LARS2: variants seen among roughly 807,000 people sequenced by gnomAD.
LARS2 encodes leucyl-tRNA synthetase 2, mitochondrial, also known as leucine--tRNA ligase, mitochondrial.
In LARS2, 81 loss-of-function variants were observed where a neutral mutation model predicts 116.6. The observed-to-expected ratio is 0.69, with a 90% confidence interval of 0.58 to 0.84. LARS2 has a LOEUF of 0.84. Ranked by LOEUF, LARS2 falls within the 40% of genes least tolerant of loss-of-function variation. LARS2 has a pLI of 0.00. For missense variants in LARS2, 968 were observed against 1,114.5 expected, an observed-to-expected ratio of 0.87 and a Z score of 1.87; for synonymous variants, 396 against 407.2, an observed-to-expected ratio of 0.97 and a Z score of 0.33.
chr3:45,430,003 C>CTTCTT (rs1698666701), intron 6 of LARS2, among the ~76,000 whole-genome samples: 1 of 56,954 alleles, frequency 1.8e-5, no homozygotes, highest in African/African-American at 7.6e-5. Context: ...TGCCCAGCCT[C>CTTCTT]TTTTTTTTTT....
intron 6 of LARS2, among the ~76,000 whole-genome samples, chr3:45,439,657 C>G (rs370472955): frequency 6.8e-6 from 1 of 147,246 alleles, no homozygotes; most frequent in African/African-American, 2.5e-5. Flanking sequence ...TTTGTGAAAA[C>G]GGAGGATTGA....
At chr3:45,501,836 T>C (rs1700127831) in intron 15 of LARS2, among the ~76,000 whole-genome samples, 1 of 149,738 alleles carries the variant, frequency 6.7e-6, no homozygotes, top group Admixed American at 6.7e-5. Context: ...TCATCAACAT[T>C]TTGTACTATC....
Position 45,400,293 on chromosome 3 carries a change from G to T in LARS2, c.283G>T (p.Gly95Cys). ...GCTTTCCATGTTCCCTTATCCTTCT[G>T]GTAAGCTGCACATGGGCCATGTGCG... Reference protein sequence around the residue: ...YVLSMFPYPSGKLHMGHVRVY... With the variant: ...YVLSMFPYPSCKLHMGHVRVY... The change falls in exon 4 of 22, where the codon GGT (glycine) becomes TGT (cysteine). Residue 95 changes from glycine (G) to cysteine (C), a missense_variant. Physicochemically the swap from Gly to Cys is radical, Grantham distance 159. Coordinates refer to ENST00000645846, the MANE Select transcript of LARS2 (RefSeq NM_015340.4). 1 of 1,613,834 alleles carries T rather than the reference G, an allele frequency of 6.2e-7. No individual in the cohort carries two copies. The highest frequency in any genetic ancestry group is 8.5e-7 in the Non-Finnish European group (1 of 1,179,864).
At chr3:45,413,060 A>AG (rs1405553326) in intron 4 of LARS2, among the ~76,000 whole-genome samples, 2 of 152,242 alleles carry the variant, frequency 1.3e-5, no homozygotes, top group Non-Finnish European at 2.9e-5. Context: ...TTTACTGAAA[A>AG]GGGGGCCAAG....
chr3:45,415,874 TATAGAGAGAGAGAGAGAGGGAGAG>T (rs1698408466), intron 4 of LARS2, among the ~76,000 whole-genome samples: 1 of 79,374 alleles, frequency 1.3e-5, no homozygotes, highest in African/African-American at 8.7e-5. Flanking sequence ...TATATATATA[TATAGAGAGAGAGAGAGAGGGAGAG>T]AGAGAGAGAG....
At chr3:45,445,975 G>A (rs1443929203) in intron 6 of LARS2, among the ~76,000 whole-genome samples, 1 of 152,228 alleles carries the variant, frequency 6.6e-6, no homozygotes, top group South Asian at 2.1e-4. Flanking sequence ...TGGGGAGGCT[G>A]AGGAGGGAGG....
At chr3:45,511,807 T>C (rs1161338411) in intron 15 of LARS2, among the ~76,000 whole-genome samples, 1 of 124,596 alleles carries the variant, frequency 8.0e-6, no homozygotes, top group Non-Finnish European at 1.6e-5. Context: ...AGACAGAGTC[T>C]CGCTCTGTCT....
chr3:45,476,468 G>A lies in LARS2; in HGVS notation c.859G>A (p.Val287Ile), dbSNP rs941484445. ...VGCHLDFTLK[V>I]HGQATGEKLT... ...CATCACTCTTCTTTCCTATCACCAG[G>A]TTCATGGGCAAGCCACGGGCGAAAA... The change falls in exon 10 of 22, where the codon GTT becomes ATT. Residue 287 changes from valine (V) to isoleucine (I), a missense_variant and splice_region_variant. By Grantham distance (29) the Val-to-Ile change is conservative (BLOSUM62 3). Transcript: ENST00000645846. The A allele has an allele frequency of 1.2e-6, 2 of 1,614,168 alleles. No individual in the cohort carries two copies. The highest frequency in any genetic ancestry group is 1.7e-6 in the Non-Finnish European group (2 of 1,180,000).
At chr3:45,460,894 G>T (rs1283911369) in intron 8 of LARS2, among the ~76,000 whole-genome samples, 1 of 151,914 alleles carries the variant, frequency 6.6e-6, no homozygotes, top group Non-Finnish European at 1.5e-5. Flanking sequence ...AGCCTGAGTG[G>T]TTCAAAAGGA....
At chr3:45,547,286 G>T in intron 21 of LARS2, 65 bp from the exon 22 acceptor site, 1 of 1,439,666 alleles carries the variant, frequency 6.9e-7, no homozygotes, top group Non-Finnish European at 9.5e-7. Flanking sequence ...AGGAGGTTTG[G>T]TATTGGGCCG....
chr3:45,453,859 T>TA (rs991110650), intron 7 of LARS2, among the ~76,000 whole-genome samples: 8 of 149,964 alleles, frequency 5.3e-5, no homozygotes, highest in African/African-American at 9.8e-5. Context: ...TTTGATAGTT[T>TA]AAAAAAAAAA....
intron 7 of LARS2, among the ~76,000 whole-genome samples, chr3:45,454,498 A>G (rs1289523601): frequency 3.3e-5 from 5 of 152,212 alleles, no homozygotes; most frequent in African/African-American, 1.2e-4. Context: ...TTGTGAGGGA[A>G]GCAGTGGGTA....
chr3:45,416,842 A>G (rs764782802), intron 4 of LARS2, among the ~76,000 whole-genome samples: 4 of 152,296 alleles, frequency 2.6e-5, no homozygotes, highest in Non-Finnish European at 5.9e-5. Flanking sequence ...TAGGAGGCCG[A>G]TGCGGGCGGA....
chr3:45,412,880 C>T (rs1039827983), intron 4 of LARS2, among the ~76,000 whole-genome samples: 2 of 152,248 alleles, frequency 1.3e-5, no homozygotes, highest in African/African-American at 4.8e-5. Context: ...AGAGTCCTTG[C>T]CTGGGGCAAT....
intron 6 of LARS2, among the ~76,000 whole-genome samples, chr3:45,425,545 A>C (rs1698580014): frequency 1.3e-5 from 2 of 152,318 alleles, no homozygotes; most frequent in South Asian, 4.1e-4. Context: ...TTTTACTGGG[A>C]CAGGCTTTTG....
intron 11 of LARS2, among the ~76,000 whole-genome samples, chr3:45,487,663 G>T (rs1244173909): frequency 6.6e-6 from 1 of 151,892 alleles, no homozygotes; most frequent in East Asian, 1.9e-4. Context: ...AGTGCTATTG[G>T]TACAGTTCAA....
chr3:45,518,936 A>C (rs185353822), intron 18 of LARS2, among the ~76,000 whole-genome samples: 1 of 152,144 alleles, frequency 6.6e-6, no homozygotes, highest in Non-Finnish European at 1.5e-5. Flanking sequence ...ATGTGGAGGA[A>C]CAGAGCTCCC....
chr3:45,466,905 C>T (rs969426285), intron 8 of LARS2, among the ~76,000 whole-genome samples: 10 of 152,040 alleles, frequency 6.6e-5, no homozygotes, highest in African/African-American at 2.2e-4. Flanking sequence ...TTAGTAGAGA[C>T]GGGGTTTCAC....
intron 4 of LARS2, among the ~76,000 whole-genome samples, chr3:45,415,105 C>A (rs773890472): frequency 2.6e-5 from 4 of 152,158 alleles, no homozygotes; most frequent in African/African-American, 4.8e-5. Context: ...TGACTGGCCA[C>A]TCATTTGCAG....
Sources: allele counts gnomAD v4.1 joint callset (sites outside exome capture counted in the v4.1 genomes callset), GRCh38; gene constraint gnomAD v4.1.1; transcripts MANE v1.5; gene names NCBI Gene and HGNC (gene_info 2026-07-23, HGNC 2026-07-21).